DCDC1: variants seen among roughly 807,000 people sequenced by gnomAD.
The protein encoded by DCDC1 is doublecortin domain containing 1.
DCDC1 carries 200 observed loss-of-function variants against 178.3 expected under a neutral mutation model. That is an observed-to-expected ratio of 1.12 (90% CI 1.00 to 1.26). DCDC1 has a LOEUF of 1.26. DCDC1 is among the 50% of genes most tolerant of loss of function. The pLI is 0.00. For missense variants in DCDC1, 1,983 were observed against 1,749.2 expected (o/e 1.13, Z -2.38); for synonymous variants, 690 against 604.8 (o/e 1.14, Z -2.07).
At chr11:31,213,090 TAAAGCCCAGC>T (rs1487719733) in intron 9 of DCDC1, among the ~76,000 whole-genome samples, 1 of 145,900 alleles carries the variant, frequency 6.9e-6, no homozygotes, top group African/African-American at 2.5e-5. Context: ...ATCTTCTATA[TAAAGCCCAGC>T]CTCTCTCTCT....
At chr11:30,901,119 G>A (rs576131384) in intron 32 of DCDC1, among the ~76,000 whole-genome samples, 3 of 152,200 alleles carry the variant, frequency 2.0e-5, no homozygotes, top group African/African-American at 4.8e-5. Flanking sequence ...GCTTCATATG[G>A]CCCACATATA....
intron 18 of DCDC1, among the ~76,000 whole-genome samples, chr11:31,065,371 T>C (rs1956187797): frequency 6.6e-6 from 1 of 152,196 alleles, no homozygotes; most frequent in South Asian, 2.1e-4. Context: ...TTTCACTACA[T>C]AGCTCATTTT....
intron 1 of DCDC1, among the ~76,000 whole-genome samples, chr11:31,360,946 T>C (rs1951679839): frequency 6.6e-6 from 1 of 152,154 alleles, no homozygotes; most frequent in African/African-American, 2.4e-5. Flanking sequence ...ATTAATACAT[T>C]TGGAAATCTT....
chr11:31,134,000 G>A (rs1027830785), intron 10 of DCDC1, among the ~76,000 whole-genome samples: 10 of 152,140 alleles, frequency 6.6e-5, no homozygotes, highest in African/African-American at 1.4e-4. Flanking sequence ...ACCACGCCTG[G>A]CCCAAATACT....
At chr11:30,898,804 A>G (rs535845744) in intron 34 of DCDC1, among the ~76,000 whole-genome samples, 1 of 152,332 alleles carries the variant, frequency 6.6e-6, no homozygotes, top group East Asian at 1.9e-4. Context: ...CAAGATTCAT[A>G]TGCTTTTAAC....
chr11:31,114,884 T>G (rs1959643318), intron 11 of DCDC1, among the ~76,000 whole-genome samples: 1 of 152,140 alleles, frequency 6.6e-6, no homozygotes, highest in African/African-American at 2.4e-5. Flanking sequence ...GGGTTAACAG[T>G]GGCTCAAACA....
intron 20 of DCDC1, among the ~76,000 whole-genome samples, chr11:31,013,655 AAAACTGTAC>A: frequency 6.6e-6 from 1 of 152,324 alleles, no homozygotes; most frequent in East Asian, 1.9e-4. Flanking sequence ...ATATGGTTTT[AAAACTGTAC>A]AACAATCCCT....
intron 9 of DCDC1, among the ~76,000 whole-genome samples, chr11:31,183,487 G>T (rs1343561389): frequency 6.6e-6 from 1 of 152,096 alleles, no homozygotes; most frequent in Non-Finnish European, 1.5e-5. Flanking sequence ...TCTGCTCCTG[G>T]ATGACTACTG....
At chr11:31,362,203 T>C (rs1348441864) in intron 1 of DCDC1, among the ~76,000 whole-genome samples, 1 of 152,198 alleles carries the variant, frequency 6.6e-6, no homozygotes, top group East Asian at 1.9e-4. Flanking sequence ...CACTGTACTA[T>C]GGAATAACCT....
chr11:30,939,561 G>A (rs1947499785), intron 21 of DCDC1, among the ~76,000 whole-genome samples: 1 of 152,138 alleles, frequency 6.6e-6, no homozygotes. Flanking sequence ...AGAACTATGG[G>A]GTTAAAATCT....
intron 7 of DCDC1, among the ~76,000 whole-genome samples, chr11:31,273,850 G>C (rs7483900): frequency 1.3e-5 from 2 of 152,186 alleles, no homozygotes; most frequent in African/African-American, 2.4e-5. Context: ...ACTCATGGTA[G>C]AAGGCAAATC....
intron 9 of DCDC1, among the ~76,000 whole-genome samples, chr11:31,176,901 G>A (rs1356517482): frequency 6.6e-6 from 1 of 152,074 alleles, no homozygotes; most frequent in Non-Finnish European, 1.5e-5. Flanking sequence ...AATACTTAAG[G>A]GAATGCTACG....
chr11:31,291,403 T>C (rs2137404376), intron 6 of DCDC1, among the ~76,000 whole-genome samples: 1 of 152,194 alleles, frequency 6.6e-6, no homozygotes, highest in African/African-American at 2.4e-5. Context: ...TTAAACTATT[T>C]CACTGAAAAT....
At chr11:31,041,320 G>A (rs1343654933) in intron 20 of DCDC1, among the ~76,000 whole-genome samples, 2 of 152,208 alleles carry the variant, frequency 1.3e-5, no homozygotes, top group Non-Finnish European at 2.9e-5. Flanking sequence ...GATGGGGTTT[G>A]GCTGGGGACC....
chr11:30,906,367 T>G, intron 30 of DCDC1, 173 bp downstream of exon 30: 1 of 668,186 alleles, frequency 1.5e-6, no homozygotes, highest in Non-Finnish European at 2.4e-6. Context: ...GACAATGCAT[T>G]TTAAATTACA....
chr11:31,137,904 C>T (rs151294503), intron 9 of DCDC1, 120 bp from the exon 10 acceptor site: 7 of 556,496 alleles, frequency 1.3e-5, no homozygotes, highest in East Asian at 3.0e-5. Context: ...TTTGATGATA[C>T]GTACATGAAA....
chr11:30,915,803 G>GCTCTCACCAAC, intron 26 of DCDC1, 92 bp from the exon 27 acceptor site: 1 of 1,343,242 alleles, frequency 7.4e-7, no homozygotes, highest in Non-Finnish European at 1.0e-6. Context: ...TTCTGTTGGT[G>GCTCTCACCAAC]AGAGCTCCAA....
chr11:31,009,122 C>T (rs140826541), intron 20 of DCDC1, among the ~76,000 whole-genome samples: 52 of 152,238 alleles, frequency 3.4e-4, no homozygotes, highest in African/African-American at 1.3e-3. Context: ...TAGTTTGTTT[C>T]AGGTGACATT....
chr11:30,905,112 CGTGCTTGGTA>C lies in DCDC1; in HGVS notation c.4147_4156del (p.Tyr1383ValfsTer7). 6.2e-7 allele frequency: 1 copy of C among 1,613,114 alleles called. No individual in the cohort carries two copies. Among genetic ancestry groups the C allele is most frequent in the Non-Finnish European group, 8.5e-7 (1 of 1,179,432 alleles). On this transcript the variant is annotated frameshift_variant, in exon 31 of 39. Transcript: ENST00000684477. LOFTEE classifies it high-confidence loss of function. ...GGTCTTCATCCGTAAAGACAATAGA[CGTGCTTGGTA>C]GTAACTTAGAGTTTTTTCAGCCTTG...
Sources: allele counts gnomAD v4.1 joint callset (sites outside exome capture counted in the v4.1 genomes callset), GRCh38; gene constraint gnomAD v4.1.1; transcripts MANE v1.5; gene names NCBI Gene and HGNC (gene_info 2026-07-23, HGNC 2026-07-21).